Variants in A2ML1 observed in about 807,000 individuals in gnomAD.
A2ML1 encodes the protein alpha-2-macroglobulin like 1.
In A2ML1, 161 loss-of-function variants were observed where a neutral mutation model predicts 181.9. The observed-to-expected ratio is 0.89, with a 90% CI of 0.78 to 1.01. The LOEUF is 1.01. Among genes scored for constraint, A2ML1 ranks in the 50% least tolerant of loss-of-function variants. The pLI is 0.00. For synonymous variants in A2ML1, 663 were observed against 666.8 expected, an observed-to-expected ratio of 0.99 and a Z score of 0.09; for missense variants, 1,670 against 1,768.1, an observed-to-expected ratio of 0.94 and a Z score of 1.00.
intron 28 of A2ML1, among the ~76,000 whole-genome samples, chr12:8,862,172 GACC>G (rs1274385281): frequency 6.6e-6 from 1 of 152,102 alleles, no homozygotes; most frequent in African/African-American, 2.4e-5. Flanking sequence ...TTTGATGTAG[GACC>G]ACTTTAAATA....
At chr12:8,839,893 A>G (rs1450500384) in intron 10 of A2ML1, among the ~76,000 whole-genome samples, 1 of 151,970 alleles carries the variant, frequency 6.6e-6, no homozygotes, top group Non-Finnish European at 1.5e-5. Flanking sequence ...GATTACAGAC[A>G]TGTGTCCCCA....
In A2ML1 at chr12:8,867,869, G is replaced by C; in HGVS notation, c.3745G>C (p.Ala1249Pro). 2 of 1,614,210 alleles carry C rather than the reference G, an allele frequency of 1.2e-6. No homozygotes were observed. The highest frequency in any genetic ancestry group is 1.7e-6 in the Non-Finnish European group (2 of 1,180,040). ...QDTVVALQALAKYATTAYMPS... is the reference protein window; with the variant it reads ...QDTVVALQALPKYATTAYMPS... ...TACTGTAGTTGCTCTCCAAGCTCTT[G>C]CCAAATATGCCACTACCGCCTACAT... is the stretch of plus-strand genomic sequence containing the variant. The change falls in exon 30 of 36, where the codon GCC (alanine) becomes CCC (proline). Residue 1249 changes from alanine (A) to proline (P), a missense_variant. Coordinates refer to ENST00000299698, the MANE Select transcript of A2ML1 (RefSeq NM_144670.6).
intron 10 of A2ML1, among the ~76,000 whole-genome samples, chr12:8,840,546 G>A (rs762654046): frequency 1.1e-4 from 17 of 152,234 alleles, no homozygotes; most frequent in Non-Finnish European, 2.1e-4. Context: ...GACCAAGGGT[G>A]GGTGCAAATT....
intron 14 of A2ML1, among the ~76,000 whole-genome samples, chr12:8,847,284 T>A (rs1167097226): frequency 6.8e-6 from 1 of 148,112 alleles, no homozygotes; most frequent in East Asian, 2.0e-4. Flanking sequence ...GGAAGCCACA[T>A]GTTCTATATA....
chr12:8,834,532 T>C (rs1177203687), intron 4 of A2ML1, 130 bp from the exon 5 acceptor site: 1 of 1,156,146 alleles, frequency 8.6e-7, no homozygotes, highest in East Asian at 2.4e-5. Flanking sequence ...AAAGAGCCAT[T>C]TAGAAAGGAA....
At position 8,839,954 on chromosome 12, in the gene A2ML1, T is replaced by A. The variant is rs750749787; in HGVS notation, c.1080+732T>A. On this transcript the variant is annotated intron_variant, in intron 10 of 35. Transcript: ENST00000299698. ...TAGAGATGGGGTTTCTCCATGTTGG[T>A]CAGGCTGGTCTTGAACTCCCGACCT... Among the ~76,000 whole-genome samples, 174 of 152,138 alleles carry A rather than the reference T, an allele frequency of 1.1e-3. 2 individuals are homozygous for A. Among genetic ancestry groups the A allele is most frequent in the South Asian group, 4.1e-3 (20 of 4,824 alleles).
At chr12:8,881,476 C>T (rs1944869308), downstream of A2ML1, among the ~76,000 whole-genome samples, 1 of 152,162 alleles carries the variant, frequency 6.6e-6, no homozygotes, top group African/African-American at 2.4e-5. Context: ...TGTCTCTTGT[C>T]ATATAAGTTA....
intron 14 of A2ML1, 73 bp from the exon 15 acceptor site, chr12:8,847,476 T>A: frequency 6.7e-7 from 1 of 1,503,254 alleles, no homozygotes; most frequent in Non-Finnish European, 8.9e-7. Flanking sequence ...TATTTGCTGA[T>A]GACCCAAATT....
Position 8,852,114 on chromosome 12 carries a change from AGAG to A in A2ML1, c.2464-92_2464-90del, listed in dbSNP as rs948725828. ...AGCATCCCAATTTTCCCTGGGAAAGAGAGGAGATGTCGGCGTCTCAGCCCCCAG... is the reference window on the plus strand; with the variant it reads ...AGCATCCCAATTTTCCCTGGGAAAGAGAGATGTCGGCGTCTCAGCCCCCAG... On this transcript the variant is annotated intron_variant, in intron 19 of 35. Transcript: ENST00000299698. This position sits in a 1 kb window ranked among gnomAD's most constrained non-coding sequence, Gnocchi z 4.2. 5 of 1,589,546 alleles carry A rather than the reference AGAG, an allele frequency of 3.1e-6. No individual in the cohort carries two copies. In the African/African-American group the frequency reaches 4.0e-5, roughly 13 times the overall value.
At position 8,854,228 on chromosome 12, in the gene A2ML1, C is replaced by T. The variant is rs778082737; in HGVS notation, c.2691C>T (p.Leu897=). 5.0e-6 allele frequency: 8 copies of T among 1,606,962 alleles called. No individual in the cohort carries two copies. Among genetic ancestry groups the T allele is most frequent in the South Asian group, 4.5e-5 (4 of 88,952 alleles). Reference sequence around the variant, plus strand: ...CCCAAAAGGGCCGAAGTGACACGCTCATCAAGCCAGTTCTCGTCAAAGTGA... The same window carrying T: ...CCCAAAAGGGCCGAAGTGACACGCTTATCAAGCCAGTTCTCGTCAAAGTGA... The part of the protein sequence containing the change: ...FVPQKGRSDT[L]IKPVLVKPEG... Residue 897 remains leucine, a synonymous_variant, in exon 21 of 36, where the codon CTC becomes CTT. Transcript: ENST00000299698.
At position 8,846,183 on chromosome 12, in the gene A2ML1, C is replaced by A; in HGVS notation, c.1644C>A (p.Asp548Glu). ...TTCCCAGTGGAGGTGTTGTAGCTGACAAAATTCAGTTCTCAGTCGAGATGT... is the reference window on the plus strand; with the variant it reads ...TTCCCAGTGGAGGTGTTGTAGCTGAAAAAATTCAGTTCTCAGTCGAGATGT... ...AIFPSGGVVA[D>E]KIQFSVEMCF... Residue 548 changes from aspartate to glutamate, a missense_variant, in exon 14 of 36, where the codon GAC (aspartate) becomes GAA (glutamate). By Grantham distance (45) the Asp-to-Glu change is conservative. Coordinates refer to ENST00000299698, the MANE Select transcript of A2ML1 (RefSeq NM_144670.6). 6.2e-7 allele frequency: 1 copy of A among 1,614,074 alleles called. No individual in the cohort carries two copies. Among genetic ancestry groups the A allele is most frequent in the Non-Finnish European group, 8.5e-7 (1 of 1,180,010 alleles).
At position 8,857,206 on chromosome 12, in the gene A2ML1, T is replaced by A. The variant is rs1565484786; in HGVS notation, c.2891T>A (p.Val964Glu). The A allele has an allele frequency of 6.2e-7, 1 of 1,612,872 alleles. No homozygotes were observed. The highest frequency in any genetic ancestry group is 8.5e-7 in the Non-Finnish European group (1 of 1,180,010). The change falls in exon 24 of 36, where the codon GTG (valine) becomes GAG (glutamate). Residue 964 changes from valine to glutamate, a missense_variant. Val to Glu is a moderately radical substitution (Grantham distance 121). Coordinates refer to ENST00000299698, the MANE Select transcript of A2ML1 (RefSeq NM_144670.6). The stretch of plus-strand genomic sequence containing the variant: ...GCCCTGCAGAACCTGGATGGTCTGG[T>A]GCAGATGCCCAGTGGCTGTGGCGAG... ...GTALQNLDGL[V>E]QMPSGCGEQN...
chr12:8,872,331 C>T (rs920214185), intron 33 of A2ML1, among the ~76,000 whole-genome samples: 2 of 152,012 alleles, frequency 1.3e-5, no homozygotes, highest in Non-Finnish European at 2.9e-5. Context: ...TCTTAATTTA[C>T]TGAGGACCTC....
chr12:8,844,712 A>G (rs1430673231), intron 12 of A2ML1, among the ~76,000 whole-genome samples: 1 of 152,112 alleles, frequency 6.6e-6, no homozygotes, highest in Non-Finnish European at 1.5e-5. Flanking sequence ...AAAAAAAAAA[A>G]ATCATCCTAA....
downstream of A2ML1, chr12:8,880,731 A>C (rs955755046): frequency 3.9e-5 from 6 of 152,296 alleles, no homozygotes; most frequent in East Asian, 1.2e-3. Flanking sequence ...CGTACCAGAC[A>C]ATTACACAGG....
At chr12:8,875,118 G>A (rs1261092844) in intron 35 of A2ML1, 106 bp downstream of exon 35, 15 of 1,281,330 alleles carry the variant, frequency 1.2e-5, no homozygotes, top group African/African-American at 4.4e-5. Flanking sequence ...ATAGAGTCTC[G>A]CGGTGTTGCC....
At position 8,857,265 on chromosome 12, in the gene A2ML1, G is replaced by A. The variant is rs1353229912; in HGVS notation, c.2950G>A (p.Val984Ile). 9 of 1,613,802 alleles carry A rather than the reference G, an allele frequency of 5.6e-6. No individual in the cohort carries two copies. Among genetic ancestry groups the A allele is most frequent in the South Asian group, 1.1e-5 (1 of 91,062 alleles). The change falls in exon 24 of 36, where the codon GTC (valine) becomes ATC (isoleucine). Residue 984 changes from valine to isoleucine, a missense_variant. Transcript: ENST00000299698. ...NMVLFAPIIYVLQYLEKAGLL... is the reference protein window; with the variant it reads ...NMVLFAPIIYILQYLEKAGLL... ...GGTCTTGTTTGCTCCCATCATCTATGTCTTGCAGTACCTGGAGAAGGCAGG... is the reference window on the plus strand; with the variant it reads ...GGTCTTGTTTGCTCCCATCATCTATATCTTGCAGTACCTGGAGAAGGCAGG...
rs1454957810 is a variant in A2ML1, at chr12:8,837,896, A to G, written c.855+330A>G. Among the ~76,000 whole-genome samples the G allele has an allele frequency of 2.6e-5, 4 of 151,258 alleles. No homozygotes were observed. The East Asian group carries it at 5.8e-4, about 22-fold the overall frequency. ...CTCAGTCCCCCTCCCCCACCGAAAAAAAAAAAAAAAAAAGAACGTATCCAC... is the reference window on the plus strand; with the variant it reads ...CTCAGTCCCCCTCCCCCACCGAAAAGAAAAAAAAAAAAAGAACGTATCCAC... On this transcript the variant is annotated intron_variant, in intron 8 of 35. Coordinates refer to ENST00000299698, the MANE Select transcript of A2ML1 (RefSeq NM_144670.6).
intron 1 of A2ML1, 114 bp downstream of exon 1, chr12:8,822,827 T>A: frequency 1.1e-6 from 1 of 940,700 alleles, no homozygotes; most frequent in East Asian, 2.5e-5. Context: ...AATTTCCTCC[T>A]CCTTTTTTCT....
Sources: allele counts gnomAD v4.1 joint callset (sites outside exome capture counted in the v4.1 genomes callset), GRCh38; gene constraint gnomAD v4.1.1; non-coding constraint Gnocchi (gnomAD v3.1); transcripts MANE v1.5; gene names NCBI Gene and HGNC (gene_info 2026-07-23, HGNC 2026-07-21).